Variants in RAP1GDS1 observed in about 807,000 individuals in gnomAD.
RAP1GDS1 encodes the protein RAP1, GTP-GDP dissociation stimulator 1.
In RAP1GDS1, 35 loss-of-function variants were observed where a neutral mutation model predicts 71.1. The observed-to-expected ratio is 0.49, with a 90% CI of 0.38 to 0.65. RAP1GDS1 has a LOEUF of 0.65. Among genes scored for constraint, RAP1GDS1 ranks in the 30% least tolerant of loss-of-function variants. The pLI is 0.00. For synonymous variants in RAP1GDS1, 229 were observed against 243.1 expected (o/e 0.94, Z 0.54); for missense variants, 663 against 706.1 (o/e 0.94, Z 0.69).
chr4:98,344,815 G>T (rs1478166321), intron 3 of RAP1GDS1, among the ~76,000 whole-genome samples: 1 of 151,996 alleles, frequency 6.6e-6, no homozygotes, highest in African/African-American at 2.4e-5. Flanking sequence ...GAGTCTTGTT[G>T]AGTGTTTTTG....
rs747666135 is a variant in RAP1GDS1, at chr4:98,417,402, G to A, written c.943G>A (p.Gly315Ser). The change falls in exon 9 of 15, where the codon GGT (glycine) becomes AGT (serine). Residue 315 changes from glycine (G) to serine (S), a missense_variant. Physicochemically the swap from Gly to Ser is moderately conservative, Grantham distance 56 (BLOSUM62 0). Transcript: ENST00000408927. ...GCAGAAGTTATTTGAAGGAGGAAAA[G>A]GTAGTGTATTTCAAAGGGTACTCTC... ...SMQKLFEGGK[G>S]SVFQRVLSWI... 1.2e-6 allele frequency: 2 copies of A among 1,612,836 alleles called. No homozygotes were observed. The highest frequency in any genetic ancestry group is 2.2e-5 in the East Asian group (1 of 44,826).
At chr4:98,262,442 T>A (rs554233035) in intron 1 of RAP1GDS1, among the ~76,000 whole-genome samples, 96 of 152,368 alleles carry the variant, frequency 6.3e-4, no homozygotes, top group Non-Finnish European at 1.0e-3. Context: ...ATATGTTTTA[T>A]AAAACGATAT....
chr4:98,402,075 TA>T (rs1425822857), intron 6 of RAP1GDS1, among the ~76,000 whole-genome samples: 1 of 150,336 alleles, frequency 6.7e-6, no homozygotes, highest in East Asian at 1.9e-4. Flanking sequence ...ACTTTTTATT[TA>T]TTTTTTTTCT....
chr4:98,427,070 C>T (rs1396942603), intron 12 of RAP1GDS1, among the ~76,000 whole-genome samples: 1 of 152,040 alleles, frequency 6.6e-6, no homozygotes, highest in African/African-American at 2.4e-5. Flanking sequence ...TTAACATACC[C>T]AAGTCAATAA....
At chr4:98,311,187 G>C (rs919739525) in intron 2 of RAP1GDS1, among the ~76,000 whole-genome samples, 3 of 152,162 alleles carry the variant, frequency 2.0e-5, no homozygotes, top group Admixed American at 2.0e-4. Flanking sequence ...AATGCTGCCT[G>C]GGATGAATCA....
chr4:98,300,311 T>C (rs1380328484), intron 2 of RAP1GDS1, among the ~76,000 whole-genome samples: 1 of 152,114 alleles, frequency 6.6e-6, no homozygotes, highest in Non-Finnish European at 1.5e-5. Context: ...CTTTTAGCAA[T>C]AAAATATTTT....
intron 4 of RAP1GDS1, among the ~76,000 whole-genome samples, chr4:98,374,697 T>C (rs1740903344): frequency 1.3e-5 from 2 of 152,204 alleles, no homozygotes; most frequent in Admixed American, 1.3e-4. Context: ...TTGTTGTTGC[T>C]CACCTTACTT....
chr4:98,420,247 TA>T, intron 11 of RAP1GDS1, 103 bp downstream of exon 11: 1 of 1,129,480 alleles, frequency 8.9e-7, no homozygotes, highest in Non-Finnish European at 1.2e-6. Flanking sequence ...TATGTAATCA[TA>T]AAAAATAGCA....
chr4:98,306,328 GA>G (rs1459595698), intron 2 of RAP1GDS1, among the ~76,000 whole-genome samples: 9 of 152,202 alleles, frequency 5.9e-5, no homozygotes, highest in Non-Finnish European at 1.0e-4. Flanking sequence ...ATACCTCATT[GA>G]TGGTACCTTT....
At chr4:98,398,127 A>G (rs35258908) in intron 6 of RAP1GDS1, among the ~76,000 whole-genome samples, 1 of 152,156 alleles carries the variant, frequency 6.6e-6, no homozygotes, top group Admixed American at 6.5e-5. Context: ...GAGAAAAGCA[A>G]CAGTACACTT....
At chr4:98,283,096 T>G (rs1578294652) in intron 1 of RAP1GDS1, among the ~76,000 whole-genome samples, 2 of 152,336 alleles carry the variant, frequency 1.3e-5, no homozygotes, top group East Asian at 3.9e-4. Flanking sequence ...CATCAGATTT[T>G]AAAAACAATT....
rs200176596 is a variant in RAP1GDS1 at position 98,436,921 on chromosome 4, T to C, written c.1568-19T>C. 8 of 1,583,564 alleles carry C rather than the reference T, an allele frequency of 5.1e-6. No homozygotes were observed. Among genetic ancestry groups the C allele is most frequent in the Non-Finnish European group, 6.8e-6 (8 of 1,170,696 alleles). On this transcript the variant is annotated intron_variant, in intron 13 of 14. Transcript: ENST00000408927. ...ATACTGGGTTCGTACGCAGTAGATATACTTTGTTTTATTTGTAGGCACTGC... is the reference window on the plus strand; with the variant it reads ...ATACTGGGTTCGTACGCAGTAGATACACTTTGTTTTATTTGTAGGCACTGC...
chr4:98,368,143 T>A (rs1739798848), intron 4 of RAP1GDS1, among the ~76,000 whole-genome samples: 1 of 152,142 alleles, frequency 6.6e-6, no homozygotes, highest in South Asian at 2.1e-4. Flanking sequence ...ATAGTAAGTC[T>A]CATGAGATCT....
intron 4 of RAP1GDS1, among the ~76,000 whole-genome samples, chr4:98,374,164 T>G (rs185018509): frequency 2.4e-3 from 362 of 152,332 alleles, no homozygotes; most frequent in African/African-American, 8.2e-3. Flanking sequence ...CTATTTTCTT[T>G]CCTTCAGCTC....
intron 1 of RAP1GDS1, among the ~76,000 whole-genome samples, chr4:98,271,105 T>C (rs150379942): frequency 7.4e-4 from 112 of 152,244 alleles, no homozygotes; most frequent in African/African-American, 2.4e-3. Context: ...GATTTTTGAC[T>C]GAGTGAGAGG....
chr4:98,352,714 G>A (rs72688415), intron 4 of RAP1GDS1, 113 bp downstream of exon 4: 138 of 1,160,830 alleles, frequency 1.2e-4, no homozygotes, highest in Middle Eastern at 5.9e-4. Flanking sequence ...AACATGGGCC[G>A]GCATGATTCA....
Position 98,417,359 on chromosome 4 carries a change from A to G in RAP1GDS1, c.908-8A>G, listed in dbSNP as rs188152700. On this transcript the variant is annotated splice_region_variant and splice_polypyrimidine_tract_variant and intron_variant, in intron 8 of 14. Transcript: ENST00000408927. ...TCTTGCTTAACTATTCGTTTCATTT[A>G]CCTCCAGATGAATCCATGCAGAAGT... is the stretch of plus-strand genomic sequence containing the variant. 3 of 1,603,434 alleles carry G rather than the reference A, an allele frequency of 1.9e-6. No individual in the cohort carries two copies. Among genetic ancestry groups the G allele is most frequent in the Admixed American group, 3.4e-5 (2 of 58,500 alleles).
chr4:98,418,763 A>C lies in RAP1GDS1; in HGVS notation c.1146A>C (p.Leu382=), dbSNP rs772408634. Residue 382 remains leucine (L), a synonymous_variant, in exon 10 of 15, where the codon CTA becomes CTC. Coordinates refer to ENST00000408927, the MANE Select transcript of RAP1GDS1 (RefSeq NM_001100427.2). The part of the protein sequence containing the change: ...DGNVTVQHAA[L]SALRNLAIPV... Reference sequence around the variant, plus strand: ...ATGTAACAGTACAGCATGCAGCACTAAGTGCCCTCAGAAACCTGGCCATTC... The same window carrying C: ...ATGTAACAGTACAGCATGCAGCACTCAGTGCCCTCAGAAACCTGGCCATTC... 4 of 1,601,050 alleles carry C rather than the reference A, an allele frequency of 2.5e-6. No homozygotes were observed. Among genetic ancestry groups the C allele is most frequent in the African/African-American group, 1.3e-5 (1 of 74,226 alleles).
At chr4:98,324,883 A>T (rs1732698051) in intron 2 of RAP1GDS1, among the ~76,000 whole-genome samples, 1 of 152,176 alleles carries the variant, frequency 6.6e-6, no homozygotes, top group African/African-American at 2.4e-5. Context: ...TGTCCAAAAC[A>T]CCAAAAGCAA....
Sources: allele counts gnomAD v4.1 joint callset (sites outside exome capture counted in the v4.1 genomes callset), GRCh38; gene constraint gnomAD v4.1.1; transcripts MANE v1.5; gene names NCBI Gene and HGNC (gene_info 2026-07-23, HGNC 2026-07-21).